Variants in CAST observed in about 807,000 individuals in gnomAD.
The protein encoded by CAST is calpastatin.
A neutral mutation model predicts 119.6 loss-of-function variants in CAST; 76 were observed. The ratio of observed to expected loss-of-function variants is 0.64; its 90% CI spans 0.53 to 0.77. The LOEUF (loss-of-function observed/expected upper bound fraction) is 0.77. Among genes scored for constraint, CAST ranks in the 30% least tolerant of loss-of-function variants. The probability of loss-of-function intolerance (pLI) is 0.00; values close to 1 mark genes in which losing one functional copy is unlikely to be tolerated. For synonymous variants in CAST, 319 were observed against 331.6 expected, an observed-to-expected ratio of 0.96 and a Z score of 0.41; for missense variants, 953 against 946.5, an observed-to-expected ratio of 1.01 and a Z score of -0.09.
At chr5:96,057,499 C>T in the CAST span, among the ~76,000 whole-genome samples, 2 of 152,252 alleles carry the variant, frequency 1.3e-5, no homozygotes, top group East Asian at 3.9e-4. Flanking sequence ...ACTTCCATGC[C>T]CTTCAGCTTT....
the CAST span, among the ~76,000 whole-genome samples, chr5:96,456,726 A>G: frequency 5.9e-5 from 9 of 152,164 alleles, no homozygotes; most frequent in Non-Finnish European, 1.2e-4. Context: ...AGAGGTAGTG[A>G]TATAGTCTGG....
the CAST span, among the ~76,000 whole-genome samples, chr5:96,477,303 C>T: frequency 1.4e-4 from 19 of 131,790 alleles, no homozygotes; most frequent in African/African-American, 4.4e-4. Context: ...TGCACGCACG[C>T]GTGCACACAC....
the CAST span, among the ~76,000 whole-genome samples, chr5:96,407,520 A>G: frequency 6.6e-6 from 1 of 152,328 alleles, no homozygotes; most frequent in South Asian, 2.1e-4. Flanking sequence ...ATAGTCATTC[A>G]AGGCAGCATC....
At position 96,635,418 on chromosome 5, in the gene CAST, C is replaced by T. The variant is rs369571344; in HGVS notation, c.61-40121C>T. On this transcript the variant is annotated intron_variant, in intron 1 of 11. Transcript: ENST00000505143. ...CTCCTCTCCTAATTGATTGGGAATT[C>T]GGGATGTTTCATATAATCAAGAGGT... 4.6e-5 allele frequency among the ~76,000 whole-genome samples: 7 copies of T among 152,220 alleles called. No individual in the cohort carries two copies. The East Asian group carries it at 5.8e-4, about 13-fold the overall frequency.
At chr5:96,541,702 T>A (rs1246137489) in intron 1 of CAST, among the ~76,000 whole-genome samples, 1 of 152,248 alleles carries the variant, frequency 6.6e-6, no homozygotes, top group Non-Finnish European at 1.5e-5. Flanking sequence ...GAATGTCACA[T>A]AATTGAAATT....
At chr5:96,171,723 G>A in the CAST span, among the ~76,000 whole-genome samples, 3 of 152,226 alleles carry the variant, frequency 2.0e-5, no homozygotes, top group African/African-American at 4.8e-5. Flanking sequence ...GAAGTGTGGC[G>A]CCAAGATTGA....
intron 1 of CAST, among the ~76,000 whole-genome samples, chr5:96,532,775 C>T (rs138099835): frequency 0.012 from 1,774 of 152,118 alleles, 32 homozygotes; most frequent in African/African-American, 0.041. Context: ...ACTTGAACCT[C>T]GGAGGCAGAG....
intron 2 of CAST, among the ~76,000 whole-genome samples, chr5:96,691,519 A>T (rs1041905383): frequency 6.6e-6 from 1 of 152,198 alleles, no homozygotes; most frequent in Non-Finnish European, 1.5e-5. Context: ...ATGTGTACCA[A>T]CCAGACCCAC....
In CAST at chr5:96,757,434, C is replaced by T. The variant is rs2290677; in HGVS notation, c.1711-10C>T. On this transcript the variant is annotated splice_polypyrimidine_tract_variant and intron_variant, in intron 22 of 31. Coordinates refer to ENST00000675179, the MANE Select transcript of CAST (RefSeq NM_001750.7). ...ATGATTTCATGCCATGTGTTTTCCCCCCCGGATAGGATAAAGATGGAAAGC... is the reference window on the plus strand; with the variant it reads ...ATGATTTCATGCCATGTGTTTTCCCTCCCGGATAGGATAAAGATGGAAAGC... 0.079 allele frequency: 128,118 copies of T among 1,611,684 alleles called. 5,893 individuals carry two copies. The highest frequency in any genetic ancestry group is 0.16 in the African/African-American group (11,678 of 74,890).
rs1423060607 is a variant in CAST, at chr5:96,534,822, A to AGG, written c.60+4942_60+4943insGG. On this transcript the variant is annotated intron_variant, in intron 1 of 11. Coordinates refer to the CAST transcript ENST00000505143. ...GAAAGAAGAAAGAAAGAAAGAAAGA[A>AGG]AAGAAAGAAGGAAAGAAGGAAGGAA... 8.1e-5 allele frequency among the ~76,000 whole-genome samples: 12 copies of AGG among 147,660 alleles called. No individual in the cohort carries two copies. In the Middle Eastern group the frequency reaches 0.01, roughly 126 times the overall value.
At position 96,662,380 on chromosome 5, in the gene CAST, T is replaced by G; in HGVS notation, c.-43T>G. ...TCCCCGCCAGGCCTCCCCGCCACTC[T>G]CCGCGGCGCATTCCGGGAGGCAGCG... On this transcript the variant is annotated 5_prime_UTR_variant, in exon 1 of 32. Coordinates refer to ENST00000675179, the MANE Select transcript of CAST (RefSeq NM_001750.7). 8.4e-7 allele frequency: 1 copy of G among 1,192,650 alleles called. No individual in the cohort carries two copies. Among genetic ancestry groups the G allele is most frequent in the South Asian group, 1.5e-5 (1 of 65,532 alleles). The allele number at this position is 1,192,650 out of a possible 1,614,324, so 73.9% of individuals were successfully genotyped here. A position where few individuals can be genotyped will look rare whatever the true frequency, so the allele number is the denominator to read the frequency against.
At chr5:96,216,215 G>T in the CAST span, among the ~76,000 whole-genome samples, 1 of 152,250 alleles carries the variant, frequency 6.6e-6, no homozygotes, top group South Asian at 2.1e-4. Flanking sequence ...TATCAGTAAA[G>T]CTTCTGGTCA....
intron 1 of CAST, among the ~76,000 whole-genome samples, chr5:96,619,600 T>G (rs6883732): frequency 0.07 from 10,672 of 152,258 alleles, 507 homozygotes; most frequent in African/African-American, 0.12. Flanking sequence ...GGTCTGCGCT[T>G]CCTTTATGAG....
chr5:95,963,734 T>C, the CAST span, among the ~76,000 whole-genome samples: 4 of 151,118 alleles, frequency 2.6e-5, no homozygotes, highest in Admixed American at 2.6e-4. Context: ...TCTTTTTTTT[T>C]TTTTTTTTTT....
At chr5:96,713,622 G>T (rs1373661638) in intron 3 of CAST, among the ~76,000 whole-genome samples, 2 of 152,142 alleles carry the variant, frequency 1.3e-5, no homozygotes, top group Non-Finnish European at 2.9e-5. Context: ...AAATAATGTT[G>T]CAGGTTCTTT....
At chr5:96,384,700 G>A in the CAST span, among the ~76,000 whole-genome samples, 1 of 152,156 alleles carries the variant, frequency 6.6e-6, no homozygotes, top group African/African-American at 2.4e-5. Flanking sequence ...ACTCAGGCTG[G>A]GAAATTATTG....
chr5:96,556,890 T>A (rs1434358817), intron 1 of CAST, among the ~76,000 whole-genome samples: 25 of 151,918 alleles, frequency 1.6e-4, no homozygotes, highest in Admixed American at 1.6e-3. Context: ...GAAGAGCAAC[T>A]CCAAGACACA....
the CAST span, among the ~76,000 whole-genome samples, chr5:96,418,671 C>G: frequency 2.0e-5 from 3 of 152,120 alleles, no homozygotes; most frequent in African/African-American, 7.2e-5. Flanking sequence ...AAGGCCAAGA[C>G]AAAATGGAGC....
the CAST span, among the ~76,000 whole-genome samples, chr5:96,236,127 C>CTATCTA: frequency 6.9e-6 from 1 of 144,096 alleles, no homozygotes; most frequent in African/African-American, 2.7e-5. Flanking sequence ...CTATCTATCT[C>CTATCTA]TCTATCTATC....
Sources: gnomAD v4.1 joint callset for allele counts (sites outside exome capture counted in the v4.1 genomes callset) on GRCh38, gnomAD v4.1.1 for gene constraint, MANE v1.5 for transcripts, NCBI Gene and HGNC (gene_info 2026-07-23, HGNC 2026-07-21) for gene names.